The following SGCZ variants were observed in gnomAD, a reference collection of about 807,000 sequenced individuals.
SGCZ encodes sarcoglycan zeta, also known as zeta-sarcoglycan.
A neutral mutation model predicts 41.3 loss-of-function variants in SGCZ; 40 were observed. The ratio of observed to expected loss-of-function variants is 0.97; its 90% confidence interval spans 0.75 to 1.26. The LOEUF (loss-of-function observed/expected upper bound fraction) is 1.26. SGCZ is among the 50% of genes most tolerant of loss of function. The probability of loss-of-function intolerance (pLI) is 0.00; values close to 1 mark genes in which losing one functional copy is unlikely to be tolerated. For synonymous variants in SGCZ, 206 were observed against 137.5 expected (o/e 1.50, Z -3.49); for missense variants, 552 against 369.8 (o/e 1.49, Z -4.04).
At chr8:14,298,125 G>T (rs1284492815) in intron 3 of SGCZ, among the ~76,000 whole-genome samples, 1 of 151,840 alleles carries the variant, frequency 6.6e-6, no homozygotes, top group African/African-American at 2.4e-5. Flanking sequence ...TATTTTAATA[G>T]ATACAGAAAG....
At chr8:15,180,708 A>C (rs2117086114) in intron 1 of SGCZ, among the ~76,000 whole-genome samples, 1 of 152,210 alleles carries the variant, frequency 6.6e-6, no homozygotes, top group East Asian at 1.9e-4. Flanking sequence ...ACATGTTGAA[A>C]TTCCATCTCT....
At chr8:14,648,115 C>G (rs923149347) in intron 1 of SGCZ, among the ~76,000 whole-genome samples, 2 of 151,952 alleles carry the variant, frequency 1.3e-5, no homozygotes, top group Non-Finnish European at 2.9e-5. Flanking sequence ...CCACAGAGCA[C>G]CACCTCCTTA....
At chr8:14,655,346 A>G (rs73664427) in intron 1 of SGCZ, among the ~76,000 whole-genome samples, 20,091 of 152,104 alleles carry the variant, frequency 0.13, 2,822 homozygotes, top group African/African-American at 0.35. Flanking sequence ...ATTTAATTGA[A>G]ATAAAAATGC....
rs1046258520 is a variant in SGCZ, at chr8:14,645,478, T to TTATATATATATATATATATA, written c.40-90553_40-90552insTATATATATATATATATATA. ...AGTATCATTGATTATATATATATAT[T>TTATATATATATATATATATA]TATATGTATATATATATATATATGG... On this transcript the variant is annotated intron_variant, in intron 1 of 7. Transcript: ENST00000382080. 7.5e-3 allele frequency among the ~76,000 whole-genome samples: 796 copies of TTATATATATATATATATATA among 106,290 alleles called. 38 individuals carry two copies. Among genetic ancestry groups the TTATATATATATATATATATA allele is most frequent in the East Asian group, 0.062 (183 of 2,956 alleles). The allele number at this position is 106,290 out of a possible 152,430, so 69.7% of individuals were successfully genotyped here. A position where few individuals can be genotyped will look rare whatever the true frequency, so the allele number is the denominator to read the frequency against.
intron 1 of SGCZ, among the ~76,000 whole-genome samples, chr8:15,147,125 G>C (rs1210431105): frequency 1.3e-5 from 2 of 152,086 alleles, no homozygotes; most frequent in East Asian, 1.9e-4. Context: ...TATCCAAGCA[G>C]TATACCTATG....
intron 1 of SGCZ, among the ~76,000 whole-genome samples, chr8:15,087,922 T>C (rs1806008609): frequency 1.3e-5 from 2 of 151,986 alleles, no homozygotes; most frequent in South Asian, 4.1e-4. Context: ...CGTGAGGCTT[T>C]ATTTTTCTGT....
chr8:14,590,629 G>T (rs180827452), intron 1 of SGCZ, among the ~76,000 whole-genome samples: 2 of 149,858 alleles, frequency 1.3e-5, no homozygotes, highest in South Asian at 2.1e-4. Context: ...ACAACAAATG[G>T]CAAAACCATT....
chr8:14,169,781 G>T (rs1352792261), intron 4 of SGCZ, among the ~76,000 whole-genome samples: 2 of 152,190 alleles, frequency 1.3e-5, no homozygotes, highest in Admixed American at 6.5e-5. Flanking sequence ...GCATATTTTT[G>T]TAAGACTATA....
At chr8:14,534,034 A>G (rs1312391682) in intron 2 of SGCZ, among the ~76,000 whole-genome samples, 5 of 152,040 alleles carry the variant, frequency 3.3e-5, no homozygotes, top group African/African-American at 1.2e-4. Context: ...CAAAAACTCT[A>G]CAGGAGCTGC....
chr8:14,184,322 G>T (rs1210048996), intron 4 of SGCZ, among the ~76,000 whole-genome samples: 1 of 152,030 alleles, frequency 6.6e-6, no homozygotes, highest in African/African-American at 2.4e-5. Context: ...TACACTTATG[G>T]CCTGGACATA....
chr8:14,331,593 AC>A (rs1018144659), intron 2 of SGCZ, among the ~76,000 whole-genome samples: 1 of 152,068 alleles, frequency 6.6e-6, no homozygotes, highest in Admixed American at 6.6e-5. Context: ...TAGGAATTTG[AC>A]CTCTAATTCA....
chr8:14,694,949 AT>A (rs2117580914), intron 1 of SGCZ, among the ~76,000 whole-genome samples: 1 of 152,314 alleles, frequency 6.6e-6, no homozygotes, highest in South Asian at 2.1e-4. Flanking sequence ...AAAGAAAAAA[AT>A]GATCTCAAAA....
chr8:15,164,013 G>A (rs373935186), intron 1 of SGCZ, among the ~76,000 whole-genome samples: 3 of 152,194 alleles, frequency 2.0e-5, no homozygotes, highest in Non-Finnish European at 4.4e-5. Flanking sequence ...TCCAATGGCC[G>A]CCGGGAAGCG....
At chr8:14,814,283 A>G (rs1268373881) in intron 1 of SGCZ, among the ~76,000 whole-genome samples, 2 of 152,172 alleles carry the variant, frequency 1.3e-5, no homozygotes, top group African/African-American at 4.8e-5. Flanking sequence ...TTAAATGGTC[A>G]GCCTAAAAGA....
chr8:14,369,705 T>A (rs1803843520), intron 2 of SGCZ, among the ~76,000 whole-genome samples: 1 of 152,014 alleles, frequency 6.6e-6, no homozygotes, highest in African/African-American at 2.4e-5. Context: ...CAAAAAGTAA[T>A]GATTTTTCTA....
chr8:14,939,377 G>C (rs1433582503), intron 1 of SGCZ, among the ~76,000 whole-genome samples: 2 of 152,058 alleles, frequency 1.3e-5, no homozygotes, highest in East Asian at 1.9e-4. Context: ...ACATGGTCAG[G>C]ATTGAAATTC....
intron 4 of SGCZ, among the ~76,000 whole-genome samples, chr8:14,194,769 A>T (rs543573053): frequency 6.6e-6 from 1 of 152,022 alleles, no homozygotes; most frequent in African/African-American, 2.4e-5. Flanking sequence ...AAGCCATGTG[A>T]TTACTGCAGA....
intron 1 of SGCZ, among the ~76,000 whole-genome samples, chr8:15,204,928 C>A (rs867859385): frequency 5.9e-5 from 9 of 152,114 alleles, no homozygotes; most frequent in African/African-American, 1.9e-4. Context: ...TTAGTGAAAC[C>A]TGAATGAATG....
intron 3 of SGCZ, among the ~76,000 whole-genome samples, chr8:14,275,678 T>G (rs933993238): frequency 1.5e-4 from 23 of 152,178 alleles, no homozygotes; most frequent in African/African-American, 5.1e-4. Context: ...GTTTCTTCTT[T>G]CCTGGAATGC....
Sources: allele counts gnomAD v4.1 joint callset (sites outside exome capture counted in the v4.1 genomes callset), GRCh38; gene constraint gnomAD v4.1.1; transcripts MANE v1.5; gene names NCBI Gene and HGNC (gene_info 2026-07-23, HGNC 2026-07-21).